Variants in MGAT4C observed in about 807,000 individuals in gnomAD.
The protein encoded by MGAT4C is alpha-1,3-mannosyl-glycoprotein 4-beta-N-acetylglucosaminyltransferase C.
In MGAT4C, 19 loss-of-function variants were observed where a neutral mutation model predicts 40.1. The observed-to-expected ratio is 0.47, with a 90% CI of 0.33 to 0.70. The LOEUF (loss-of-function observed/expected upper bound fraction) is 0.70. MGAT4C is among the 30% of genes least tolerant of loss of function. The probability of loss-of-function intolerance (pLI) is 0.02; values close to 1 mark genes in which losing one functional copy is unlikely to be tolerated. For synonymous variants in MGAT4C, 181 were observed against 187.1 expected, an observed-to-expected ratio of 0.97 and a Z score of 0.27; for missense variants, 491 against 563.2, an observed-to-expected ratio of 0.87 and a Z score of 1.30.
intron 2 of MGAT4C, among the ~76,000 whole-genome samples, chr12:86,465,940 G>T (rs1247963915): frequency 6.6e-6 from 1 of 152,124 alleles, no homozygotes; most frequent in East Asian, 1.9e-4. Context: ...CGGGAGTGGT[G>T]GCTCATGCTT....
intron 2 of MGAT4C, among the ~76,000 whole-genome samples, chr12:86,575,447 A>C (rs528198579): frequency 6.6e-6 from 1 of 152,008 alleles, no homozygotes; most frequent in African/African-American, 2.4e-5. Flanking sequence ...GATCCCACAA[A>C]TAAATGAGAA....
At chr12:86,171,783 C>T (rs890945003) in intron 1 of MGAT4C, among the ~76,000 whole-genome samples, 5 of 152,152 alleles carry the variant, frequency 3.3e-5, no homozygotes, top group African/African-American at 1.2e-4. Flanking sequence ...CCAGTCACAT[C>T]ATACTTCTGA....
At chr12:86,209,931 G>T (rs993798476) in intron 1 of MGAT4C, among the ~76,000 whole-genome samples, 3 of 152,210 alleles carry the variant, frequency 2.0e-5, no homozygotes, top group Non-Finnish European at 4.4e-5. Context: ...TTTAAAAATA[G>T]AAATTATAAT....
chr12:86,250,392 C>T (rs908709460), intron 1 of MGAT4C, among the ~76,000 whole-genome samples: 10 of 150,608 alleles, frequency 6.6e-5, no homozygotes, highest in Non-Finnish European at 1.5e-4. Context: ...TAAAAACATA[C>T]TTTGCCTCTA....
intron 1 of MGAT4C, among the ~76,000 whole-genome samples, chr12:86,145,425 T>C (rs2135750557): frequency 6.6e-6 from 1 of 152,262 alleles, no homozygotes; most frequent in African/African-American, 2.4e-5. Context: ...TGCACAAAAC[T>C]AAGCAACATA....
chr12:86,695,952 T>G (rs1593124010), intron 2 of MGAT4C, among the ~76,000 whole-genome samples: 1 of 151,954 alleles, frequency 6.6e-6, no homozygotes, highest in African/African-American at 2.4e-5. Flanking sequence ...TGGCTCATGC[T>G]TGTAATCTCA....
intron 3 of MGAT4C, among the ~76,000 whole-genome samples, chr12:86,408,479 CTATATA>C (rs71076198): frequency 0.019 from 1,227 of 63,180 alleles, 19 homozygotes; most frequent in African/African-American, 0.024. Context: ...CTCTCTCTCT[CTATATA>C]TATATATATA....
chr12:86,641,531 A>T (rs556231888), intron 2 of MGAT4C, among the ~76,000 whole-genome samples: 6 of 151,682 alleles, frequency 4.0e-5, no homozygotes, highest in Non-Finnish European at 7.4e-5. Context: ...ATAATAAAAT[A>T]AAAAAATAAA....
intron 1 of MGAT4C, among the ~76,000 whole-genome samples, chr12:86,138,654 T>G (rs1882384697): frequency 6.8e-6 from 1 of 147,796 alleles, no homozygotes; most frequent in Admixed American, 6.8e-5. Flanking sequence ...TATATATATT[T>G]CCATATATAT....
At chr12:86,011,989 A>T (rs1888505447) in intron 2 of MGAT4C, 1 of 423,090 alleles carries the variant, frequency 2.4e-6, no homozygotes. Flanking sequence ...ATCTGCTAGA[A>T]TTTTTTCTTT....
intron 3 of MGAT4C, among the ~76,000 whole-genome samples, chr12:86,393,498 C>T (rs1321130419): frequency 6.6e-6 from 1 of 152,030 alleles, no homozygotes; most frequent in African/African-American, 2.4e-5. Flanking sequence ...ATTTAGAAAA[C>T]TGATTGAGAT....
chr12:86,261,642 C>T (rs1952660668), intron 4 of MGAT4C, among the ~76,000 whole-genome samples: 1 of 152,022 alleles, frequency 6.6e-6, no homozygotes, highest in African/African-American at 2.4e-5. Context: ...TATGCACAAC[C>T]AAGACCAAGA....
chr12:86,251,826 T>C (rs1173287479), intron 1 of MGAT4C, among the ~76,000 whole-genome samples: 1 of 152,022 alleles, frequency 6.6e-6, no homozygotes, highest in African/African-American at 2.4e-5. Context: ...ACAACCTTTA[T>C]GATATGCTCA....
rs79631082 is a variant in MGAT4C, at chr12:86,084,165, A to G, written c.-56-34442T>C. On this transcript the variant is annotated intron_variant, in intron 1 of 4. Transcript: ENST00000611864. ...ACTAACATTTCATTTTTGGAGACTA[A>G]TAGGATAAAAATAAAGCAATAACTC... Among the ~76,000 whole-genome samples the G allele has an allele frequency of 7.4e-3, 1,133 of 152,230 alleles. 9 individuals are homozygous for G. Among genetic ancestry groups the G allele is most frequent in the Non-Finnish European group, 0.011 (771 of 67,968 alleles).
At chr12:86,405,365 CTAAAAA>C (rs758834372) in intron 3 of MGAT4C, among the ~76,000 whole-genome samples, 93 of 151,884 alleles carry the variant, frequency 6.1e-4, no homozygotes, top group Non-Finnish European at 6.3e-4. Context: ...GACACCAAAA[CTAAAAA>C]TAAAATACCA....
At chr12:86,132,943 G>C (rs1043429987) in intron 1 of MGAT4C, among the ~76,000 whole-genome samples, 15 of 151,770 alleles carry the variant, frequency 9.9e-5, no homozygotes, top group Non-Finnish European at 5.9e-5. Context: ...TCATCATATT[G>C]ATGGATTCAG....
chr12:86,655,493 C>T (rs1181200581), intron 2 of MGAT4C, among the ~76,000 whole-genome samples: 1 of 152,048 alleles, frequency 6.6e-6, no homozygotes, highest in Non-Finnish European at 1.5e-5. Flanking sequence ...TCTTATCATT[C>T]TTTCCTTTAC....
At chr12:86,617,817 C>A (rs1962502754) in intron 2 of MGAT4C, among the ~76,000 whole-genome samples, 1 of 151,584 alleles carries the variant, frequency 6.6e-6, no homozygotes, top group South Asian at 2.1e-4. Context: ...AGCAACAAAA[C>A]CCCAAATAGA....
chr12:86,569,729 T>C (rs1214461372), intron 2 of MGAT4C, among the ~76,000 whole-genome samples: 1 of 152,106 alleles, frequency 6.6e-6, no homozygotes, highest in Non-Finnish European at 1.5e-5. Flanking sequence ...CAAAGAGATA[T>C]GTGAAGCTCT....
Sources: gnomAD v4.1 joint callset for allele counts (sites outside exome capture counted in the v4.1 genomes callset) on GRCh38, gnomAD v4.1.1 for gene constraint, MANE v1.5 for transcripts, NCBI Gene and HGNC (gene_info 2026-07-23, HGNC 2026-07-21) for gene names.